PDE8B: variants seen among roughly 807,000 people sequenced by gnomAD.
The protein encoded by PDE8B is phosphodiesterase 8B.
In PDE8B, 26 loss-of-function variants were observed where a neutral mutation model predicts 101.3. The observed-to-expected ratio is 0.26, with a 90% CI of 0.19 to 0.36. The LOEUF is 0.36. Among genes scored for constraint, PDE8B ranks in the 10% least tolerant of loss-of-function variants. The probability of loss-of-function intolerance (pLI) is 1.00; values close to 1 mark genes in which losing one functional copy is unlikely to be tolerated. For missense variants in PDE8B, 810 were observed against 1,163.1 expected, an observed-to-expected ratio of 0.70 and a Z score of 4.42; for synonymous variants, 424 against 429.3, an observed-to-expected ratio of 0.99 and a Z score of 0.15.
chr5:77,105,056 A>T, the PDE8B span: 1 of 152,244 alleles, frequency 6.6e-6, no homozygotes, highest in South Asian at 2.1e-4. Context: ...GGAATGAGTC[A>T]GACTTTCATG....
At chr5:77,123,724 A>C in the PDE8B span, among the ~76,000 whole-genome samples, 1 of 152,164 alleles carries the variant, frequency 6.6e-6, no homozygotes, top group Admixed American at 6.5e-5. Context: ...GTGCCACTGC[A>C]CTCCAGCCTG....
At chr5:77,160,221 C>T in the PDE8B span, among the ~76,000 whole-genome samples, 390 of 152,184 alleles carry the variant, frequency 2.6e-3, no homozygotes, top group African/African-American at 9.0e-3. Context: ...CCCAAAGCAC[C>T]AAGCCCAGGT....
Position 77,211,068 on chromosome 5 carries a change from A to G in PDE8B, c.143A>G (p.Asp48Gly). 6.6e-7 allele frequency: 1 copy of G among 1,507,682 alleles called. No individual in the cohort carries two copies. The highest frequency in any genetic ancestry group is 8.8e-7 in the Non-Finnish European group (1 of 1,136,540). The allele number at this position is 1,507,682 out of a possible 1,614,324, so 93.4% of individuals were successfully genotyped here. Residue 48 changes from aspartate (D) to glycine (G), a missense_variant, in exon 1 of 22, where the codon GAC (aspartate) becomes GGC (glycine). By Grantham distance (94) the Asp-to-Gly change is moderately conservative. This residue lies in a region of PDE8B where 159 missense variants were observed against 146.6 expected (regional missense o/e 1.08). Coordinates refer to ENST00000264917, the MANE Select transcript of PDE8B (RefSeq NM_003719.5). This position sits in a 1 kb window ranked among gnomAD's most constrained non-coding sequence, Gnocchi z 4.1. ...APLPGLFVQTDAADAIPPSRA... is the reference protein window; with the variant it reads ...APLPGLFVQTGAADAIPPSRA... The stretch of plus-strand genomic sequence containing the variant: ...CTGCCCGGCCTCTTCGTCCAGACCG[A>G]CGCCGCCGACGCCATCCCCCCGAGC...
the PDE8B span, among the ~76,000 whole-genome samples, chr5:77,090,135 T>A: frequency 6.6e-6 from 1 of 151,856 alleles, no homozygotes; most frequent in Admixed American, 6.6e-5. Context: ...GGTGGGGGAG[T>A]GAAGACAGGT....
intron 2 of PDE8B, among the ~76,000 whole-genome samples, chr5:77,323,972 A>T (rs1199267157): frequency 6.6e-6 from 1 of 152,106 alleles, no homozygotes; most frequent in Admixed American, 6.5e-5. Flanking sequence ...AAACAAACAA[A>T]CAACAAAAAA....
chr5:77,159,114 A>G, the PDE8B span, among the ~76,000 whole-genome samples: 1 of 151,980 alleles, frequency 6.6e-6, no homozygotes, highest in Non-Finnish European at 1.5e-5. Flanking sequence ...CCTCTACCAT[A>G]GGGGCAAGGA....
chr5:77,195,839 C>T, the PDE8B span, among the ~76,000 whole-genome samples: 1 of 152,132 alleles, frequency 6.6e-6, no homozygotes, highest in Non-Finnish European at 1.5e-5. Context: ...TCATTCCTGT[C>T]GTCTTCATGT....
At chr5:77,278,462 A>G (rs1014733464) in intron 1 of PDE8B, among the ~76,000 whole-genome samples, 7 of 152,152 alleles carry the variant, frequency 4.6e-5, no homozygotes, top group African/African-American at 1.4e-4. Context: ...TATTTTTTAA[A>G]GAGAGATACT....
intron 10 of PDE8B, among the ~76,000 whole-genome samples, chr5:77,354,938 G>A (rs144849241): frequency 3.3e-5 from 5 of 152,246 alleles, no homozygotes; most frequent in African/African-American, 9.6e-5. Context: ...ACCAACCACC[G>A]CCATCATCTT....
At chr5:77,285,279 C>T (rs1288252484) in intron 1 of PDE8B, among the ~76,000 whole-genome samples, 1 of 152,132 alleles carries the variant, frequency 6.6e-6, no homozygotes, top group African/African-American at 2.4e-5. Context: ...CACTTGTATG[C>T]TCTTTATTCA....
chr5:77,408,777 T>A, intron 13 of PDE8B, 116 bp from the exon 14 acceptor site: 1 of 845,798 alleles, frequency 1.2e-6, no homozygotes, highest in Non-Finnish European at 2.0e-6. Flanking sequence ...AAAGCACTGG[T>A]CATTTTGAAT....
At chr5:77,156,563 A>T in the PDE8B span, among the ~76,000 whole-genome samples, 1 of 152,236 alleles carries the variant, frequency 6.6e-6, no homozygotes, top group African/African-American at 2.4e-5. Context: ...GGATGCCAAG[A>T]TGAATAAGGC....
At chr5:77,351,404 G>A (rs1781098464) in intron 9 of PDE8B, among the ~76,000 whole-genome samples, 1 of 152,142 alleles carries the variant, frequency 6.6e-6, no homozygotes, top group African/African-American at 2.4e-5. Flanking sequence ...CATTCCCAGT[G>A]TGCTCTAAAG....
At chr5:77,233,654 C>CTGTGTGTGTGTGTG (rs72346580) in intron 1 of PDE8B, among the ~76,000 whole-genome samples, 48 of 138,336 alleles carry the variant, frequency 3.5e-4, no homozygotes, top group East Asian at 1.6e-3. Context: ...CCCTGAAGCT[C>CTGTGTGTGTGTGTG]TGTGTGTGTG....
chr5:77,099,852 C>T, the PDE8B span, among the ~76,000 whole-genome samples: 1 of 152,116 alleles, frequency 6.6e-6, no homozygotes, highest in Non-Finnish European at 1.5e-5. Flanking sequence ...TCTGGTGATC[C>T]ACCTGCCTCA....
At chr5:77,129,507 T>C in the PDE8B span, among the ~76,000 whole-genome samples, 1 of 133,592 alleles carries the variant, frequency 7.5e-6, no homozygotes. Flanking sequence ...AGAAATGGAT[T>C]ACTTCCCCTC....
chr5:77,224,302 GATA>G (rs1751859601), intron 1 of PDE8B, among the ~76,000 whole-genome samples: 2 of 152,064 alleles, frequency 1.3e-5, no homozygotes, highest in Admixed American at 1.3e-4. Context: ...GCTTATTATT[GATA>G]ATAATATACA....
chr5:77,274,664 T>C (rs1162325818), intron 1 of PDE8B, among the ~76,000 whole-genome samples: 2 of 152,290 alleles, frequency 1.3e-5, no homozygotes, highest in East Asian at 3.9e-4. Flanking sequence ...AGCCTATTGA[T>C]AACCCTCCTC....
chr5:77,398,450 T>C (rs3101236), intron 10 of PDE8B, among the ~76,000 whole-genome samples: 127,018 of 151,510 alleles, frequency 0.84, 53,648 homozygotes, highest in African/African-American at 0.94. Flanking sequence ...GCCTCCTGAG[T>C]AAGCTGGGAC....
Sources: allele counts gnomAD v4.1 joint callset (sites outside exome capture counted in the v4.1 genomes callset), GRCh38; gene constraint gnomAD v4.1.1; regional missense constraint gnomAD v4.1.1; non-coding constraint Gnocchi (gnomAD v3.1); transcripts MANE v1.5; gene names NCBI Gene and HGNC (gene_info 2026-07-23, HGNC 2026-07-21).